The following DCLK1 variants were observed in gnomAD, a reference collection of about 807,000 sequenced individuals.
DCLK1 encodes the protein doublecortin like kinase 1, also known as serine/threonine-protein kinase DCLK1.
A neutral mutation model predicts 86.2 loss-of-function variants in DCLK1; 16 were observed. The ratio of observed to expected loss-of-function variants is 0.19; its 90% CI spans 0.13 to 0.28. The LOEUF (loss-of-function observed/expected upper bound fraction) is 0.28, where lower values mean the gene tolerates loss of function less well. Ranked by LOEUF, DCLK1 falls within the 10% of genes least tolerant of loss-of-function variation. DCLK1 has a pLI of 1.00. For missense variants in DCLK1, 590 were observed against 940.2 expected, an observed-to-expected ratio of 0.63 and a Z score of 4.87; for synonymous variants, 369 against 370.5, an observed-to-expected ratio of 1.00 and a Z score of 0.05.
In DCLK1 at chr13:35,827,795, CAT is replaced by C. The variant is rs368511236; in HGVS notation, c.1288-43_1288-42del. The C allele has an allele frequency of 4.9e-4, 788 of 1,609,224 alleles. 1 individual carries two copies. The African/African-American group carries it at 9.3e-3, about 19-fold the overall frequency. On this transcript the variant is annotated intron_variant, in intron 9 of 16. Coordinates refer to ENST00000360631, the MANE Select transcript of DCLK1 (RefSeq NM_001330071.2). ...GTTATCTTCATCAGCTTCCATAAAA[CAT>C]GTGGAGGGCTAACTCAAATGAGTAC...
chr13:36,054,076 T>C (rs1883215865), intron 3 of DCLK1, among the ~76,000 whole-genome samples: 1 of 152,180 alleles, frequency 6.6e-6, no homozygotes, highest in African/African-American at 2.4e-5. Flanking sequence ...AATTTGTGGG[T>C]CGAGCAAACA....
At chr13:35,879,422 A>C (rs1453737847) in intron 4 of DCLK1, among the ~76,000 whole-genome samples, 1 of 152,210 alleles carries the variant, frequency 6.6e-6, no homozygotes, top group Admixed American at 6.5e-5. Flanking sequence ...ACATCTCAAG[A>C]GTCACAGCTC....
At position 35,842,228 on chromosome 13, in the gene DCLK1, CAAAAA is replaced by C. The variant is rs35862851; in HGVS notation, c.1036-3057_1036-3053del. On this transcript the variant is annotated intron_variant, in intron 6 of 16. Transcript: ENST00000360631. ...TGGGCGACTGAGTGAGACTCCATCT[CAAAAA>C]AAAAAAAAAAAAAAAAAAAAAAGAA... Among the ~76,000 whole-genome samples the C allele has an allele frequency of 1.7e-4, 6 of 35,128 alleles. No homozygotes were observed. The Admixed American group carries it at 2.0e-3, about 12-fold the overall frequency. The allele number at this position is 35,128 out of a possible 152,430, so 23.0% of individuals were successfully genotyped here.
intron 6 of DCLK1, chr13:35,850,006 T>A (rs2153109777): frequency 1.0e-6 from 1 of 970,226 alleles, no homozygotes; most frequent in African/African-American, 1.8e-5. Flanking sequence ...AAATTTATAC[T>A]GTTTCTAATA....
At chr13:35,971,350 A>G (rs1227883205) in intron 3 of DCLK1, among the ~76,000 whole-genome samples, 3 of 152,220 alleles carry the variant, frequency 2.0e-5, no homozygotes, top group Non-Finnish European at 4.4e-5. Flanking sequence ...CAACACATGC[A>G]TGCTAGTTCC....
intron 4 of DCLK1, among the ~76,000 whole-genome samples, chr13:35,933,659 G>C (rs76855318): frequency 0.059 from 8,984 of 152,228 alleles, 855 homozygotes; most frequent in African/African-American, 0.2. Context: ...CATGGCTAGA[G>C]TGGCTGGGAC....
chr13:36,068,488 C>T (rs1035832538), intron 3 of DCLK1, among the ~76,000 whole-genome samples: 9 of 151,986 alleles, frequency 5.9e-5, no homozygotes, highest in African/African-American at 2.2e-4. Flanking sequence ...CTTTTACAGG[C>T]CAAAAATTAA....
At chr13:35,796,313 T>C (rs1032254793) in intron 15 of DCLK1, among the ~76,000 whole-genome samples, 3 of 152,158 alleles carry the variant, frequency 2.0e-5, no homozygotes, top group African/African-American at 7.2e-5. Context: ...TTTTTCTTTT[T>C]AGGATGAAAG....
chr13:35,845,603 G>A (rs1870119809), intron 6 of DCLK1, among the ~76,000 whole-genome samples: 1 of 152,158 alleles, frequency 6.6e-6, no homozygotes, highest in African/African-American at 2.4e-5. Flanking sequence ...CGATATGTCT[G>A]ACAAATTCCT....
At chr13:35,794,278 G>C (rs1462778859) in intron 15 of DCLK1, among the ~76,000 whole-genome samples, 1 of 152,200 alleles carries the variant, frequency 6.6e-6, no homozygotes, top group Non-Finnish European at 1.5e-5. Flanking sequence ...AGAATCTCCA[G>C]GTCTTAGCAT....
At chr13:35,969,375 G>C (rs1352569564) in intron 3 of DCLK1, among the ~76,000 whole-genome samples, 3 of 152,114 alleles carry the variant, frequency 2.0e-5, no homozygotes, top group Admixed American at 6.6e-5. Context: ...ATAGAGAGGA[G>C]AAAGCCATGT....
chr13:35,877,653 A>C (rs909547152), intron 4 of DCLK1, among the ~76,000 whole-genome samples: 2 of 152,202 alleles, frequency 1.3e-5, no homozygotes, highest in African/African-American at 4.8e-5. Flanking sequence ...TCTCAACTCT[A>C]AATTCAGTTT....
chr13:35,830,873 A>G (rs1274910078), intron 8 of DCLK1, among the ~76,000 whole-genome samples: 5 of 152,210 alleles, frequency 3.3e-5, no homozygotes, highest in African/African-American at 1.2e-4. Flanking sequence ...TAGCTTGGTG[A>G]TTTCCCCATG....
chr13:35,803,870 C>T (rs1272285366), intron 15 of DCLK1, among the ~76,000 whole-genome samples: 2 of 152,122 alleles, frequency 1.3e-5, no homozygotes, highest in African/African-American at 2.4e-5. Flanking sequence ...TTATGATTCT[C>T]CACCTCTATG....
intron 4 of DCLK1, among the ~76,000 whole-genome samples, chr13:35,936,951 A>T (rs1320312501): frequency 7.8e-6 from 1 of 127,482 alleles, no homozygotes; most frequent in Non-Finnish European, 1.7e-5. Context: ...AACATCCAAA[A>T]GAAAAGTTAG....
intron 3 of DCLK1, among the ~76,000 whole-genome samples, chr13:35,983,201 C>T (rs1879748213): frequency 6.6e-6 from 1 of 152,106 alleles, no homozygotes; most frequent in East Asian, 1.9e-4. Context: ...TAACAGCTCA[C>T]TGCAGTCTCA....
chr13:36,111,690 T>C (rs1458344188), intron 3 of DCLK1, among the ~76,000 whole-genome samples, 179 bp downstream of exon 3: 1 of 152,220 alleles, frequency 6.6e-6, no homozygotes, highest in East Asian at 1.9e-4. Flanking sequence ...TTTATTCCTA[T>C]GAATAATCCT....
intron 3 of DCLK1, among the ~76,000 whole-genome samples, chr13:35,974,336 A>G (rs1449283654): frequency 6.6e-6 from 1 of 152,164 alleles, no homozygotes; most frequent in Non-Finnish European, 1.5e-5. Flanking sequence ...GTCCTTACAC[A>G]AAGAGGGAAT....
intron 2 of DCLK1, among the ~76,000 whole-genome samples, chr13:36,122,725 T>G (rs1051274939): frequency 6.6e-6 from 1 of 152,208 alleles, no homozygotes. Flanking sequence ...AAAAACATAT[T>G]AAGGCCATTT....
Sources: gnomAD v4.1 joint callset for allele counts (sites outside exome capture counted in the v4.1 genomes callset) on GRCh38, gnomAD v4.1.1 for gene constraint, MANE v1.5 for transcripts, NCBI Gene and HGNC (gene_info 2026-07-23, HGNC 2026-07-21) for gene names.